Variants in CIMIP4 observed in about 807,000 individuals in gnomAD.
CIMIP4 encodes the protein protein EAN57.
At chr22:36,997,819 C>T in the CIMIP4 span, among the ~76,000 whole-genome samples, 7 of 152,332 alleles carry the variant, frequency 4.6e-5, no homozygotes, top group African/African-American at 1.7e-4. Context: ...TTCTGCCTCA[C>T]TCCTGTGCAG....
the CIMIP4 span, among the ~76,000 whole-genome samples, chr22:37,005,001 T>C: frequency 6.6e-6 from 1 of 152,160 alleles, no homozygotes; most frequent in Non-Finnish European, 1.5e-5. Flanking sequence ...GACTTCGGTT[T>C]TGTTTGCTCT....
At chr22:36,992,971 G>T in the CIMIP4 span, among the ~76,000 whole-genome samples, 2 of 149,790 alleles carry the variant, frequency 1.3e-5, no homozygotes, top group African/African-American at 4.9e-5. Flanking sequence ...GTAAGCTGAG[G>T]TGGAGGTCGG....
At chr22:37,002,763 G>A in the CIMIP4 span, among the ~76,000 whole-genome samples, 831 of 152,308 alleles carry the variant, frequency 5.5e-3, 12 homozygotes, top group Middle Eastern at 6.8e-3. Context: ...TGGCAGAGGC[G>A]TTCCTGGGGC....
chr22:37,004,331 C>G, the CIMIP4 span, among the ~76,000 whole-genome samples: 6 of 151,938 alleles, frequency 3.9e-5, no homozygotes, highest in South Asian at 8.3e-4. Flanking sequence ...AGCCTTGGAA[C>G]CCTGGGCTCA....
At chr22:37,001,022 G>T in the CIMIP4 span, among the ~76,000 whole-genome samples, 1 of 152,244 alleles carries the variant, frequency 6.6e-6, no homozygotes, top group South Asian at 2.1e-4. Flanking sequence ...AATAACTCCT[G>T]CCTGACCTTC....
At chr22:36,999,457 C>A in the CIMIP4 span, among the ~76,000 whole-genome samples, 2 of 142,688 alleles carry the variant, frequency 1.4e-5, no homozygotes, top group Admixed American at 7.0e-5. Flanking sequence ...GATTGTGCCA[C>A]TGCACCCCAG....
At chr22:37,004,129 G>A in the CIMIP4 span, 26 of 1,067,530 alleles carry the variant, frequency 2.4e-5, no homozygotes, top group East Asian at 1.2e-4. Flanking sequence ...CTGTCTGCCC[G>A]CCCCTGATCA....
chr22:36,993,018 T>A, the CIMIP4 span, among the ~76,000 whole-genome samples: 1 of 78,032 alleles, frequency 1.3e-5, no homozygotes, highest in East Asian at 2.3e-4. Context: ...TTTTTTTTCT[T>A]TTTTTTTTTT....
At chr22:37,002,035 G>A in the CIMIP4 span, 1 of 1,611,258 alleles carries the variant, frequency 6.2e-7, no homozygotes, top group Non-Finnish European at 8.5e-7. Flanking sequence ...AGGATCGAGA[G>A]CCCGCATTCT....
chr22:36,995,847 CA>C, the CIMIP4 span, among the ~76,000 whole-genome samples: 2 of 152,096 alleles, frequency 1.3e-5, no homozygotes, highest in African/African-American at 2.4e-5. Flanking sequence ...ATAAATTACC[CA>C]GTCTCAGGTA....
the CIMIP4 span, among the ~76,000 whole-genome samples, chr22:37,006,637 T>C: frequency 6.6e-6 from 1 of 152,176 alleles, no homozygotes; most frequent in African/African-American, 2.4e-5. Context: ...GATGCTTTAA[T>C]AGGATGAGAA....
the CIMIP4 span, chr22:36,991,509 G>C: frequency 2.3e-5 from 37 of 1,614,062 alleles, no homozygotes; most frequent in Non-Finnish European, 2.9e-5. Flanking sequence ...TGCCATGCCA[G>C]TGTTCTAAGT....
At chr22:37,002,324 C>T in the CIMIP4 span, 48 of 1,299,568 alleles carry the variant, frequency 3.7e-5, no homozygotes, top group Non-Finnish European at 5.9e-6. Flanking sequence ...CAAAGAGAAA[C>T]AGAGGGGGAG....
At chr22:36,997,448 T>C in the CIMIP4 span, among the ~76,000 whole-genome samples, 32 of 152,322 alleles carry the variant, frequency 2.1e-4, no homozygotes, top group Non-Finnish European at 4.3e-4. Flanking sequence ...GCATATTCTT[T>C]TCTCTCTGCC....
chr22:37,000,016 G>A, the CIMIP4 span: 1 of 1,594,278 alleles, frequency 6.3e-7, no homozygotes, highest in Non-Finnish European at 8.5e-7. Flanking sequence ...ACAGACAGGG[G>A]ATGGAAAAGC....
chr22:37,003,946 C>T, the CIMIP4 span: 2 of 1,547,880 alleles, frequency 1.3e-6, no homozygotes, highest in African/African-American at 2.7e-5. Flanking sequence ...TTCAGCACAT[C>T]CCTGGTCTGC....
chr22:37,002,134 C>A, the CIMIP4 span: 1 of 1,546,098 alleles, frequency 6.5e-7, no homozygotes, highest in Non-Finnish European at 8.7e-7. Flanking sequence ...AGTGGCACTG[C>A]CCTAGGGAGC....
chr22:36,993,597 C>T, the CIMIP4 span, among the ~76,000 whole-genome samples: 1 of 151,418 alleles, frequency 6.6e-6, no homozygotes, highest in Non-Finnish European at 1.5e-5. Flanking sequence ...GGCGTTGTGG[C>T]AGGCGCCTGT....
chr22:36,999,315 AC>A, the CIMIP4 span, among the ~76,000 whole-genome samples: 1 of 147,886 alleles, frequency 6.8e-6, no homozygotes, highest in Non-Finnish European at 1.5e-5. Flanking sequence ...AAAAAAAAAA[AC>A]AGAAAAGAAA....
Sources: allele counts gnomAD v4.1 joint callset (sites outside exome capture counted in the v4.1 genomes callset), GRCh38; gene constraint gnomAD v4.1.1; transcripts MANE v1.5; gene names NCBI Gene and HGNC (gene_info 2026-07-23, HGNC 2026-07-21).